The following GPHN variants were observed in gnomAD, a reference collection of about 807,000 sequenced individuals.
GPHN encodes gephyrin.
Under a neutral mutation model 95.5 loss-of-function variants are expected in GPHN, and 17 were observed. The ratio of observed to expected loss-of-function variants is 0.18; its 90% CI spans 0.12 to 0.27. The LOEUF (loss-of-function observed/expected upper bound fraction) is 0.27, where lower values mean the gene tolerates loss of function less well. Among genes scored for constraint, GPHN ranks in the 10% least tolerant of loss-of-function variants. The pLI is 1.00. For missense variants in GPHN, 660 were observed against 978.1 expected (o/e 0.67, Z 4.34); for synonymous variants, 320 against 322.5 (o/e 0.99, Z 0.08).
chr14:67,081,034 A>G (rs1006515524), intron 11 of GPHN, among the ~76,000 whole-genome samples: 6 of 152,180 alleles, frequency 3.9e-5, no homozygotes, highest in African/African-American at 1.4e-4. Flanking sequence ...GGCTGGTTCC[A>G]TATTTTTGCA....
chr14:66,967,394 C>A (rs937813354), intron 9 of GPHN, among the ~76,000 whole-genome samples: 4 of 151,940 alleles, frequency 2.6e-5, no homozygotes, highest in African/African-American at 4.8e-5. Context: ...TTAAGAGAAT[C>A]TAAACTAGGT....
intron 13 of GPHN, among the ~76,000 whole-genome samples, chr14:67,106,724 G>A (rs2078060113): frequency 6.6e-6 from 1 of 151,896 alleles, no homozygotes. Context: ...TGATTTTGTT[G>A]AATTATCGCT....
chr14:67,263,259 C>T, the GPHN span, among the ~76,000 whole-genome samples: 1 of 152,272 alleles, frequency 6.6e-6, no homozygotes, highest in Non-Finnish European at 1.5e-5. Context: ...TCATGATGCT[C>T]TCTTGTCCTC....
Position 66,612,695 on chromosome 14 carries a change from C to G in GPHN, c.65-68412C>G, listed in dbSNP as rs2062834550. Among the ~76,000 whole-genome samples, 3 of 152,004 alleles carry G rather than the reference C, an allele frequency of 2.0e-5. No individual in the cohort carries two copies. In the South Asian group the frequency reaches 6.2e-4, roughly 31 times the overall value. On this transcript the variant is annotated intron_variant, in intron 1 of 22. Coordinates refer to ENST00000478722, the MANE Select transcript of GPHN (RefSeq NM_020806.5). ...TATAGATAGAATGTTTCTTTCTCTC[C>G]AGAAACTTTCTATTGCCTCTTTCCA...
chr14:67,318,570 A>C, the GPHN span, among the ~76,000 whole-genome samples: 1 of 152,250 alleles, frequency 6.6e-6, no homozygotes, highest in Non-Finnish European at 1.5e-5. Flanking sequence ...TATACGTGTT[A>C]GAATAAACTC....
chr14:66,912,095 C>CTG (rs2065700930), intron 5 of GPHN, among the ~76,000 whole-genome samples: 1 of 152,102 alleles, frequency 6.6e-6, no homozygotes, highest in South Asian at 2.1e-4. Flanking sequence ...TCACTCTCCA[C>CTG]TGTAGATAAA....
chr14:66,689,097 G>C (rs910774492), intron 2 of GPHN, among the ~76,000 whole-genome samples: 1 of 152,118 alleles, frequency 6.6e-6, no homozygotes, highest in Non-Finnish European at 1.5e-5. Flanking sequence ...TGGTAAAAGT[G>C]AGCATCTTTT....
At chr14:66,732,562 G>A (rs1267991683) in intron 2 of GPHN, among the ~76,000 whole-genome samples, 1 of 152,206 alleles carries the variant, frequency 6.6e-6, no homozygotes, top group Non-Finnish European at 1.5e-5. Flanking sequence ...TTTCGCCCAG[G>A]CTGGAGTGCA....
At chr14:67,083,596 T>C (rs1049406190) in intron 11 of GPHN, among the ~76,000 whole-genome samples, 1 of 152,210 alleles carries the variant, frequency 6.6e-6, no homozygotes, top group Non-Finnish European at 1.5e-5. Flanking sequence ...TACACTGATA[T>C]ATTACAAATT....
At chr14:67,704,623 T>C in the GPHN span, among the ~76,000 whole-genome samples, 19,206 of 152,152 alleles carry the variant, frequency 0.13, 1,473 homozygotes, top group South Asian at 0.34. Context: ...TTTAGCTTTG[T>C]GTGAGGACAA....
the GPHN span, among the ~76,000 whole-genome samples, chr14:67,379,686 G>A: frequency 9.3e-6 from 1 of 107,936 alleles, no homozygotes; most frequent in Non-Finnish European, 1.6e-5. Flanking sequence ...ACGGAGTCTC[G>A]CTCTGTCGCC....
At chr14:67,101,847 GTAT>G (rs1023764038) in intron 13 of GPHN, among the ~76,000 whole-genome samples, 1 of 133,872 alleles carries the variant, frequency 7.5e-6, no homozygotes, top group Admixed American at 7.6e-5. Flanking sequence ...ATTGGTTTAT[GTAT>G]TATTTATTTA....
intron 12 of GPHN, 143 bp from the exon 13 acceptor site, chr14:67,100,713 A>G: frequency 1.5e-6 from 1 of 688,558 alleles, no homozygotes; most frequent in Non-Finnish European, 2.7e-6. Flanking sequence ...GCCATTGTCA[A>G]GTCTAGGAGA....
At chr14:66,771,773 T>C (rs1285000083) in intron 2 of GPHN, among the ~76,000 whole-genome samples, 1 of 131,228 alleles carries the variant, frequency 7.6e-6, no homozygotes, top group African/African-American at 2.9e-5. Flanking sequence ...CCCCTTCCTG[T>C]GTCCATGTGA....
At chr14:67,204,778 G>A in the GPHN span, 2 of 1,613,952 alleles carry the variant, frequency 1.2e-6, no homozygotes, top group African/African-American at 1.3e-5. Flanking sequence ...AGACATCACA[G>A]GCTCCATGGA....
the GPHN span, among the ~76,000 whole-genome samples, chr14:67,211,407 C>T: frequency 6.6e-6 from 1 of 152,038 alleles, no homozygotes; most frequent in African/African-American, 2.4e-5. Flanking sequence ...CACTATACTA[C>T]CCAATAAACT....
chr14:67,320,153 T>A, the GPHN span: 25 of 1,356,368 alleles, frequency 1.8e-5, no homozygotes, highest in Non-Finnish European at 2.4e-5. Flanking sequence ...TAATTTTGGG[T>A]GAAGATCTAT....
At chr14:67,421,628 T>C in the GPHN span, among the ~76,000 whole-genome samples, 1 of 152,148 alleles carries the variant, frequency 6.6e-6, no homozygotes, top group Non-Finnish European at 1.5e-5. Context: ...GATGGATGAA[T>C]GAAGGAGGGC....
chr14:67,714,229 G>C, the GPHN span, among the ~76,000 whole-genome samples: 1 of 152,162 alleles, frequency 6.6e-6, no homozygotes, highest in Non-Finnish European at 1.5e-5. Context: ...TCCACCTTCA[G>C]GGCTCAAGTT....
Sources: gnomAD v4.1 joint callset for allele counts (sites outside exome capture counted in the v4.1 genomes callset) on GRCh38, gnomAD v4.1.1 for gene constraint, MANE v1.5 for transcripts, NCBI Gene and HGNC (gene_info 2026-07-23, HGNC 2026-07-21) for gene names.